The following SKAP2 variants were observed in gnomAD, a reference collection of about 807,000 sequenced individuals.
SKAP2 encodes src kinase-associated phosphoprotein 2.
SKAP2 carries 28 observed loss-of-function variants against 54.9 expected under a neutral mutation model. The ratio of observed to expected loss-of-function variants is 0.51; its 90% confidence interval spans 0.38 to 0.70. The LOEUF is 0.70. Ranked by LOEUF, SKAP2 falls within the 30% of genes least tolerant of loss-of-function variation. SKAP2 has a pLI of 0.00. For missense variants in SKAP2, 356 were observed against 424.1 expected, an observed-to-expected ratio of 0.84 and a Z score of 1.41; for synonymous variants, 137 against 134.3, an observed-to-expected ratio of 1.02 and a Z score of -0.14.
chr7:26,712,840 T>C (rs998816473), intron 9 of SKAP2, among the ~76,000 whole-genome samples: 4 of 152,246 alleles, frequency 2.6e-5, no homozygotes. Context: ...TGTGTAGTGA[T>C]GTGGAAGGTA....
intron 4 of SKAP2, among the ~76,000 whole-genome samples, chr7:26,834,916 C>G (rs1292029925): frequency 6.6e-6 from 1 of 152,188 alleles, no homozygotes; most frequent in Non-Finnish European, 1.5e-5. Flanking sequence ...AGGCCAATAT[C>G]CCTGATGAAC....
chr7:26,816,906 T>C (rs3823930), intron 4 of SKAP2, among the ~76,000 whole-genome samples: 32,301 of 152,052 alleles, frequency 0.21, 3,510 homozygotes, highest in Non-Finnish European at 0.24. Context: ...AGGAAATTAA[T>C]TGCTAACATG....
intron 9 of SKAP2, among the ~76,000 whole-genome samples, chr7:26,712,683 T>C (rs1057480051): frequency 6.6e-6 from 1 of 152,192 alleles, no homozygotes; most frequent in Admixed American, 6.5e-5. Flanking sequence ...CAACCACTTA[T>C]GCTTATTAAA....
rs1027455182 is a variant in SKAP2, at chr7:26,855,163, A to C, written c.68-273T>G. On this transcript the variant is annotated intron_variant, in intron 1 of 12. Coordinates refer to ENST00000345317, the MANE Select transcript of SKAP2 (RefSeq NM_003930.5). ...TGTTTGGCATCATTAAACAAGGAAG[A>C]AGCACACACCAAGTTTTAATAAACT... 3 of 211,744 alleles carry C rather than the reference A, an allele frequency of 1.4e-5. No individual in the cohort carries two copies. In the South Asian group the frequency reaches 4.2e-4, roughly 29 times the overall value. The allele number at this position is 211,744 out of a possible 1,614,324, so 13.1% of individuals were successfully genotyped here. A position where few individuals can be genotyped will look rare whatever the true frequency, so the allele number is the denominator to read the frequency against.
intron 4 of SKAP2, among the ~76,000 whole-genome samples, chr7:26,822,671 C>G (rs1192186822): frequency 6.6e-6 from 1 of 150,876 alleles, no homozygotes; most frequent in Non-Finnish European, 1.5e-5. Context: ...GTCAGGAGAT[C>G]GAGACCATCC....
At chr7:26,768,881 C>G (rs1284943379) in intron 4 of SKAP2, among the ~76,000 whole-genome samples, 1 of 152,090 alleles carries the variant, frequency 6.6e-6, no homozygotes, top group African/African-American at 2.4e-5. Context: ...CTCTGGCTGC[C>G]CTTAACATTT....
At chr7:26,826,346 G>A (rs944442036) in intron 4 of SKAP2, among the ~76,000 whole-genome samples, 1 of 152,102 alleles carries the variant, frequency 6.6e-6, no homozygotes, top group African/African-American at 2.4e-5. Flanking sequence ...GTATGTGAGT[G>A]GGAATACTCA....
intron 9 of SKAP2, among the ~76,000 whole-genome samples, chr7:26,717,595 G>C (rs920483254): frequency 1.4e-5 from 2 of 145,076 alleles, no homozygotes; most frequent in African/African-American, 5.0e-5. Flanking sequence ...AGAGGCCAAG[G>C]TGGGCGAATC....
intron 4 of SKAP2, among the ~76,000 whole-genome samples, chr7:26,780,235 G>C (rs780515416): frequency 6.6e-6 from 1 of 152,094 alleles, no homozygotes; most frequent in Non-Finnish European, 1.5e-5. Context: ...GCCCTGAAGA[G>C]TATCTGGCAC....
rs984895447 is a variant in SKAP2 at position 26,667,375 on chromosome 7, G to A, written c.*2291C>T. 1 of 152,030 alleles carries A rather than the reference G, an allele frequency of 6.6e-6. No homozygotes were observed. The allele number at this position is 152,030 out of a possible 1,614,324, so 9.4% of individuals were successfully genotyped here. Reference sequence around the variant, plus strand: ...AAGAGTATGTGATATATTGTCAAGGGTGTAAAGAAAACTCTCCCTGGTTTG... The same window carrying A: ...AAGAGTATGTGATATATTGTCAAGGATGTAAAGAAAACTCTCCCTGGTTTG... On this transcript the variant is annotated 3_prime_UTR_variant, in exon 13 of 13. Transcript: ENST00000345317.
In SKAP2 at chr7:26,720,564, T is replaced by C. The variant is rs1010821934; in HGVS notation, c.796+4864A>G. Among the ~76,000 whole-genome samples the C allele has an allele frequency of 3.3e-5, 5 of 152,220 alleles. 1 individual carries two copies. Among genetic ancestry groups the C allele is most frequent in the African/African-American group, 1.2e-4 (5 of 41,452 alleles). ...TGAAACCATCTGTATTAGTCTGTTC[T>C]GACTCTGCTAATAAAGACATACCCA... On this transcript the variant is annotated intron_variant, in intron 9 of 12. Transcript: ENST00000345317.
intron 4 of SKAP2, among the ~76,000 whole-genome samples, chr7:26,809,170 T>G (rs1425050957): frequency 6.6e-6 from 1 of 152,162 alleles, no homozygotes; most frequent in African/African-American, 2.4e-5. Flanking sequence ...TCCCAGCACT[T>G]TGGGAGGCCA....
intron 4 of SKAP2, among the ~76,000 whole-genome samples, chr7:26,842,633 A>G (rs4719882): frequency 0.21 from 32,222 of 151,742 alleles, 3,508 homozygotes; most frequent in Non-Finnish European, 0.24. Flanking sequence ...CTGTCTGTGT[A>G]TGTGTATACA....
chr7:26,738,858 C>G lies in SKAP2; in HGVS notation c.406G>C (p.Glu136Gln). Residue 136 changes from glutamate (E) to glutamine (Q), a missense_variant, in exon 6 of 13, where the codon GAA (glutamate) becomes CAA (glutamine). Glu to Gln is a conservative substitution (Grantham distance 29). Coordinates refer to ENST00000345317, the MANE Select transcript of SKAP2 (RefSeq NM_003930.5). ...AGAGCACACCACCGTTTCTGCCATTCAAATCCCAGAAAGCTGTGATCTGCA... is the reference window on the plus strand; with the variant it reads ...AGAGCACACCACCGTTTCTGCCATTGAAATCCCAGAAAGCTGTGATCTGCA... ...RRKDHSFLGF[E>Q]WQKRWCALSK... The G allele has an allele frequency of 3.1e-6, 5 of 1,606,066 alleles. No homozygotes were observed. Among genetic ancestry groups the G allele is most frequent in the Middle Eastern group, 1.7e-4 (1 of 6,050 alleles).
chr7:26,726,767 G>T, intron 7 of SKAP2, 115 bp downstream of exon 7: 1 of 849,078 alleles, frequency 1.2e-6, no homozygotes, highest in Non-Finnish European at 1.7e-6. Flanking sequence ...TTAAACATCA[G>T]TATTTTTATT....
chr7:26,823,080 C>T (rs1028029467), intron 4 of SKAP2, among the ~76,000 whole-genome samples: 1 of 151,924 alleles, frequency 6.6e-6, no homozygotes, highest in East Asian at 1.9e-4. Flanking sequence ...AATGAAAAGT[C>T]CTTGAAGGAA....
intron 4 of SKAP2, among the ~76,000 whole-genome samples, chr7:26,807,034 C>T (rs112310491): frequency 1.7e-3 from 256 of 152,212 alleles, no homozygotes; most frequent in African/African-American, 5.9e-3. Flanking sequence ...GAAGTAGGCC[C>T]TGAAGACGTG....
At chr7:26,797,762 C>T (rs1379448908) in intron 4 of SKAP2, among the ~76,000 whole-genome samples, 1 of 151,948 alleles carries the variant, frequency 6.6e-6, no homozygotes, top group East Asian at 1.9e-4. Flanking sequence ...GTTGAAAACA[C>T]TCAAAGAAAT....
chr7:26,691,482 C>A (rs1257498971), intron 9 of SKAP2, among the ~76,000 whole-genome samples: 1 of 152,168 alleles, frequency 6.6e-6, no homozygotes, highest in African/African-American at 2.4e-5. Context: ...TAAATGTAGT[C>A]ATTGTAACTA....
Sources: gnomAD v4.1 joint callset for allele counts (sites outside exome capture counted in the v4.1 genomes callset) on GRCh38, gnomAD v4.1.1 for gene constraint, MANE v1.5 for transcripts, NCBI Gene and HGNC (gene_info 2026-07-23, HGNC 2026-07-21) for gene names.